The following NAV3 variants were observed in gnomAD, a reference collection of about 807,000 sequenced individuals.
The protein encoded by NAV3 is pore membrane and/or filament interacting like protein 1.
A neutral mutation model predicts 244.7 loss-of-function variants in NAV3; 87 were observed. That is an observed-to-expected ratio of 0.36 (90% confidence interval 0.30 to 0.42). The LOEUF (loss-of-function observed/expected upper bound fraction) is 0.42. Ranked by LOEUF, NAV3 falls within the 20% of genes least tolerant of loss-of-function variation. The pLI is 1.00. For missense variants in NAV3, 2,663 were observed against 2,893.3 expected, an observed-to-expected ratio of 0.92 and a Z score of 1.83; for synonymous variants, 1,126 against 1,042.2, an observed-to-expected ratio of 1.08 and a Z score of -1.55.
chr12:77,748,482 A>G (rs966128517), intron 2 of NAV3, among the ~76,000 whole-genome samples: 16 of 152,214 alleles, frequency 1.1e-4, no homozygotes, highest in African/African-American at 3.9e-4. Flanking sequence ...AGACATGAAA[A>G]CAACCTCAGT....
intron 2 of NAV3, among the ~76,000 whole-genome samples, chr12:77,784,328 A>G (rs1050241818): frequency 6.6e-6 from 1 of 152,182 alleles, no homozygotes; most frequent in Non-Finnish European, 1.5e-5. Context: ...GACTCAGAAC[A>G]GACTTCCATG....
intron 12 of NAV3, among the ~76,000 whole-genome samples, chr12:78,066,983 C>CA (rs1885090511): frequency 2.6e-5 from 4 of 152,072 alleles, no homozygotes; most frequent in African/African-American, 4.8e-5. Flanking sequence ...CAAAGGGCAC[C>CA]ATGCCAGTTC....
intron 2 of NAV3, among the ~76,000 whole-genome samples, chr12:77,652,283 G>A (rs990269212): frequency 3.3e-5 from 5 of 152,186 alleles, no homozygotes; most frequent in African/African-American, 9.7e-5. Flanking sequence ...GATTGGTTAA[G>A]CTGGCAGTCA....
chr12:77,714,825 A>T (rs935905288), intron 2 of NAV3, among the ~76,000 whole-genome samples: 3 of 152,140 alleles, frequency 2.0e-5, no homozygotes, highest in African/African-American at 7.2e-5. Flanking sequence ...CATTTCAAAT[A>T]GATTATAGAA....
intron 2 of NAV3, among the ~76,000 whole-genome samples, chr12:77,710,139 C>T (rs192773786): frequency 6.6e-6 from 1 of 152,162 alleles, no homozygotes; most frequent in East Asian, 1.9e-4. Context: ...TTAGGGCGTG[C>T]ACTTTTTTCT....
At chr12:77,742,089 G>C (rs1868347299) in intron 2 of NAV3, among the ~76,000 whole-genome samples, 1 of 151,494 alleles carries the variant, frequency 6.6e-6, no homozygotes, top group African/African-American at 2.4e-5. Context: ...TATTTTTATG[G>C]TTTCTTCACT....
intron 2 of NAV3, among the ~76,000 whole-genome samples, chr12:77,738,785 C>T (rs566072118): frequency 3.9e-5 from 6 of 152,082 alleles, no homozygotes; most frequent in African/African-American, 1.4e-4. Flanking sequence ...CCGAGGTAGG[C>T]GGATCACGAG....
At chr12:77,847,379 A>G (rs1876817035) in intron 1 of NAV3, among the ~76,000 whole-genome samples, 1 of 152,206 alleles carries the variant, frequency 6.6e-6, no homozygotes, top group Non-Finnish European at 1.5e-5. Flanking sequence ...ATTGCATCAC[A>G]TTTTGTCTAG....
intron 2 of NAV3, among the ~76,000 whole-genome samples, chr12:77,671,132 A>G (rs555671736): frequency 1.3e-5 from 2 of 152,232 alleles, no homozygotes; most frequent in South Asian, 2.1e-4. Context: ...TAGCTCCACT[A>G]TACACCAACA....
Position 78,179,560 on chromosome 12 carries a change from A to G in NAV3, c.5395A>G (p.Ile1799Val). 6.2e-7 allele frequency: 1 copy of G among 1,613,348 alleles called. No homozygotes were observed. The highest frequency in any genetic ancestry group is 8.5e-7 in the Non-Finnish European group (1 of 1,179,514). ...TGAATGCACAGAAGCTGAGGCAGAG[A>G]TAATTCTGCAGCTGAAGAGCGAGCT... ...ICECTEAEAEIILQLKSELRE... is the reference protein window; with the variant it reads ...ICECTEAEAEVILQLKSELRE... The change falls in exon 29 of 40, where the codon ATA (isoleucine) becomes GTA (valine). Residue 1799 changes from isoleucine (I) to valine (V), a missense_variant. By Grantham distance (29) the Ile-to-Val change is conservative. Transcript: ENST00000397909.
At chr12:77,844,106 T>G (rs1427947819) in intron 1 of NAV3, among the ~76,000 whole-genome samples, 1 of 152,150 alleles carries the variant, frequency 6.6e-6, no homozygotes, top group Admixed American at 6.6e-5. Context: ...TACTACAGAC[T>G]GGGTAATTTA....
intron 7 of NAV3, among the ~76,000 whole-genome samples, chr12:78,000,479 T>C (rs2136465851): frequency 6.6e-6 from 1 of 150,560 alleles, no homozygotes; most frequent in South Asian, 2.1e-4. Context: ...AACGAGGTAA[T>C]AATATATTAC....
At chr12:77,684,684 G>T (rs927316992) in intron 2 of NAV3, among the ~76,000 whole-genome samples, 4 of 151,906 alleles carry the variant, frequency 2.6e-5, no homozygotes, top group African/African-American at 9.7e-5. Context: ...GAAGAAGTCA[G>T]ATTTATTATA....
At chr12:78,123,267 T>A (rs1955755086) in intron 16 of NAV3, among the ~76,000 whole-genome samples, 1 of 152,210 alleles carries the variant, frequency 6.6e-6, no homozygotes, top group Admixed American at 6.5e-5. Context: ...AAACATGGTC[T>A]TGGCCACATG....
intron 2 of NAV3, among the ~76,000 whole-genome samples, chr12:77,572,658 CAT>C (rs1260441035): frequency 6.6e-6 from 1 of 152,140 alleles, no homozygotes; most frequent in Non-Finnish European, 1.5e-5. Flanking sequence ...CATTAGAAAG[CAT>C]AAGTGGCATT....
At chr12:78,162,860 TC>T (rs1279949199) in intron 23 of NAV3, among the ~76,000 whole-genome samples, 5 of 108,714 alleles carry the variant, frequency 4.6e-5, no homozygotes, top group South Asian at 7.0e-4. Context: ...AGACTCTGTC[TC>T]AAAAAAAAAT....
chr12:78,101,049 T>C (rs1954512432), intron 12 of NAV3, among the ~76,000 whole-genome samples: 1 of 152,170 alleles, frequency 6.6e-6, no homozygotes, highest in Admixed American at 6.5e-5. Flanking sequence ...TTTGTAATAA[T>C]TTGCAATTTG....
chr12:77,851,050 CCTAA>C (rs1294309863), intron 1 of NAV3, among the ~76,000 whole-genome samples: 1 of 152,204 alleles, frequency 6.6e-6, no homozygotes, highest in East Asian at 1.9e-4. Flanking sequence ...GCCATATCTA[CCTAA>C]CTGTGTCTTA....
At chr12:77,637,294 A>G (rs12422648) in intron 2 of NAV3, among the ~76,000 whole-genome samples, 1 of 152,114 alleles carries the variant, frequency 6.6e-6, no homozygotes, top group East Asian at 1.9e-4. Flanking sequence ...AGGTGTAAAA[A>G]TTATTTATGA....
Sources: gnomAD v4.1 joint callset for allele counts (sites outside exome capture counted in the v4.1 genomes callset) on GRCh38, gnomAD v4.1.1 for gene constraint, MANE v1.5 for transcripts, NCBI Gene and HGNC (gene_info 2026-07-23, HGNC 2026-07-21) for gene names.